The following EFCAB13 variants were observed in gnomAD, a reference collection of about 807,000 sequenced individuals.
EFCAB13 encodes the protein EF-hand calcium binding domain 13.
Under a neutral mutation model 110.2 loss-of-function variants are expected in EFCAB13, and 91 were observed. That is an observed-to-expected ratio of 0.83 (90% CI 0.70 to 0.98). EFCAB13 has a LOEUF of 0.98. EFCAB13 is among the 50% of genes least tolerant of loss of function. The pLI is 0.00. For synonymous variants in EFCAB13, 323 were observed against 369.9 expected (o/e 0.87, Z 1.45); for missense variants, 968 against 1,119.4 (o/e 0.86, Z 1.93).
intron 24 of EFCAB13, among the ~76,000 whole-genome samples, chr17:47,439,245 C>T (rs1016482225): frequency 3.2e-4 from 42 of 132,728 alleles, no homozygotes; most frequent in African/African-American, 1.2e-3. Context: ...GGCACATTCT[C>T]GGCTCACTGC....
chr17:47,418,279 T>G (rs763095701), intron 23 of EFCAB13, among the ~76,000 whole-genome samples: 2 of 152,228 alleles, frequency 1.3e-5, no homozygotes, highest in African/African-American at 2.4e-5. Flanking sequence ...ATCCTGGTGC[T>G]TGCTTCTCTT....
intron 23 of EFCAB13, among the ~76,000 whole-genome samples, chr17:47,426,707 T>TA (rs1449815828): frequency 3.9e-5 from 6 of 152,138 alleles, no homozygotes; most frequent in South Asian, 2.1e-4. Context: ...AGAAAAAAGT[T>TA]AAAGAATTTT....
intron 14 of EFCAB13, among the ~76,000 whole-genome samples, chr17:47,387,687 G>A (rs2065684216): frequency 6.6e-6 from 1 of 152,154 alleles, no homozygotes; most frequent in African/African-American, 2.4e-5. Context: ...GTCCATCTGA[G>A]GAGGTCATGG....
intron 24 of EFCAB13, among the ~76,000 whole-genome samples, chr17:47,437,337 T>C (rs1905233350): frequency 6.6e-6 from 1 of 152,212 alleles, no homozygotes; most frequent in Non-Finnish European, 1.5e-5. Flanking sequence ...CTTGATGAAC[T>C]GTCTAGTGCT....
At chr17:47,420,928 G>T (rs1376638098) in intron 23 of EFCAB13, among the ~76,000 whole-genome samples, 1 of 148,412 alleles carries the variant, frequency 6.7e-6, no homozygotes, top group Non-Finnish European at 1.5e-5. Flanking sequence ...CTGCCCAGCC[G>T]CCCCTACTGG....
intron 9 of EFCAB13, among the ~76,000 whole-genome samples, chr17:47,353,252 C>T (rs191010164): frequency 3.2e-4 from 48 of 150,474 alleles, no homozygotes; most frequent in African/African-American, 1.0e-3. Flanking sequence ...GAGGTATGTT[C>T]CTTTTATAGT....
chr17:47,429,978 C>A lies in EFCAB13; in HGVS notation c.2638+17C>A. The A allele has an allele frequency of 6.3e-7, 1 of 1,580,454 alleles. No individual in the cohort carries two copies. The highest frequency in any genetic ancestry group is 8.6e-7 in the Non-Finnish European group (1 of 1,158,762). ...CTGAACATGGTTAGTAGTTTCAATGCGTCTATCTTATAAGGACCATCCTCT... is the reference window on the plus strand; with the variant it reads ...CTGAACATGGTTAGTAGTTTCAATGAGTCTATCTTATAAGGACCATCCTCT... On this transcript the variant is annotated intron_variant, in intron 24 of 24. Transcript: ENST00000331493.
intron 19 of EFCAB13, 87 bp from the exon 20 acceptor site, chr17:47,404,475 A>G (rs941053376): frequency 1.0e-5 from 10 of 970,026 alleles, no homozygotes; most frequent in Non-Finnish European, 1.4e-5. Flanking sequence ...CGAGAAATAT[A>G]TAAGTCATAT....
At chr17:47,368,981 A>G (rs1469135938) in intron 10 of EFCAB13, among the ~76,000 whole-genome samples, 1 of 152,214 alleles carries the variant, frequency 6.6e-6, no homozygotes, top group African/African-American at 2.4e-5. Context: ...GTACCAATCC[A>G]GTGTGAAATC....
At chr17:47,390,914 G>A (rs868691702) in intron 14 of EFCAB13, among the ~76,000 whole-genome samples, 219 of 150,262 alleles carry the variant, frequency 1.5e-3, no homozygotes, top group African/African-American at 4.6e-3. Flanking sequence ...GTGTCTGTCT[G>A]TCTATCTATC....
chr17:47,338,454 T>A (rs1432569694), intron 5 of EFCAB13, among the ~76,000 whole-genome samples: 1 of 152,010 alleles, frequency 6.6e-6, no homozygotes, highest in Non-Finnish European at 1.5e-5. Flanking sequence ...CTCACTATAT[T>A]GCCCAGGCTG....
chr17:47,388,175 C>T (rs2065686951), intron 14 of EFCAB13, among the ~76,000 whole-genome samples: 1 of 152,200 alleles, frequency 6.6e-6, no homozygotes, highest in Admixed American at 6.5e-5. Context: ...TGCCTATAGG[C>T]ACTCATAATA....
rs1191158296 is a variant in EFCAB13, at chr17:47,335,219, A to C, written c.54A>C (p.Leu18Phe). ...AGGCAGAGGAAAATATTGACTTATT[A>C]GATGATGGCTCTAATTCTTTTGCAA... ...FCQAEENIDL[L>F]DDGSNSFATD... Residue 18 changes from leucine (L) to phenylalanine (F), a missense_variant, in exon 5 of 25, where the codon TTA becomes TTC. By Grantham distance (22) the Leu-to-Phe change is conservative. Transcript: ENST00000331493. 6.2e-7 allele frequency: 1 copy of C among 1,606,654 alleles called. No individual in the cohort carries two copies.
chr17:47,381,686 C>T (rs996642320), intron 14 of EFCAB13, among the ~76,000 whole-genome samples: 1 of 152,094 alleles, frequency 6.6e-6, no homozygotes, highest in Non-Finnish European at 1.5e-5. Flanking sequence ...TATTTGAGAC[C>T]TCTGTTCTGT....
At chr17:47,359,629 T>A (rs556807848) in intron 9 of EFCAB13, among the ~76,000 whole-genome samples, 30 of 151,824 alleles carry the variant, frequency 2.0e-4, no homozygotes, top group African/African-American at 6.0e-4. Flanking sequence ...CAATTTTTTT[T>A]TTATTATTAT....
In EFCAB13 at chr17:47,429,799, T is replaced by G; in HGVS notation, c.2495-19T>G. 1 of 1,570,436 alleles carries G rather than the reference T, an allele frequency of 6.4e-7. No homozygotes were observed. The highest frequency in any genetic ancestry group is 8.7e-7 in the Non-Finnish European group (1 of 1,152,022). On this transcript the variant is annotated intron_variant, in intron 23 of 24. Coordinates refer to ENST00000331493, the MANE Select transcript of EFCAB13 (RefSeq NM_152347.5). Reference sequence around the variant, plus strand: ...CTATTTCTGCTGTTGAAACATTTGCTTTTGCTCTCCTTTTGCAGCTACACA... The same window carrying G: ...CTATTTCTGCTGTTGAAACATTTGCGTTTGCTCTCCTTTTGCAGCTACACA...
chr17:47,414,089 A>G (rs970678228), intron 22 of EFCAB13, among the ~76,000 whole-genome samples: 6 of 152,160 alleles, frequency 3.9e-5, no homozygotes, highest in African/African-American at 1.4e-4. Context: ...GTTATATGTC[A>G]TAGAGCATCT....
chr17:47,347,711 T>C, intron 8 of EFCAB13, 97 bp from the exon 9 acceptor site: 1 of 964,870 alleles, frequency 1.0e-6, no homozygotes, highest in Non-Finnish European at 1.4e-6. Flanking sequence ...ACAGATTGGC[T>C]CCCTTTTTAG....
rs145502351 is a variant in EFCAB13, at chr17:47,360,960, G to A, written c.662-418G>A. ...TTAAAAATATACTGAGCTCTCTGAT[G>A]TGACTCTAAATATTTTAGAAAATGA... On this transcript the variant is annotated intron_variant, in intron 9 of 24. Coordinates refer to ENST00000331493, the MANE Select transcript of EFCAB13 (RefSeq NM_152347.5). Among the ~76,000 whole-genome samples the A allele has an allele frequency of 2.2e-3, 337 of 152,116 alleles. 1 individual carries two copies. The highest frequency in any genetic ancestry group is 3.1e-3 in the Non-Finnish European group (211 of 67,982).
Sources: gnomAD v4.1 joint callset for allele counts (sites outside exome capture counted in the v4.1 genomes callset) on GRCh38, gnomAD v4.1.1 for gene constraint, MANE v1.5 for transcripts, NCBI Gene and HGNC (gene_info 2026-07-23, HGNC 2026-07-21) for gene names.